The following METTL22 variants were observed in gnomAD, a reference collection of about 807,000 sequenced individuals.
METTL22 encodes the protein methyltransferase-like protein 22.
In METTL22, 51 loss-of-function variants were observed where a neutral mutation model predicts 48.4. That is an observed-to-expected ratio of 1.05 (90% CI 0.84 to 1.33). METTL22 has a LOEUF of 1.33. METTL22 is among the 40% of genes most tolerant of loss of function. METTL22 has a pLI of 0.00. For synonymous variants in METTL22, 255 were observed against 214.1 expected, an observed-to-expected ratio of 1.19 and a Z score of -1.67; for missense variants, 678 against 526.9, an observed-to-expected ratio of 1.29 and a Z score of -2.81.
chr16:8,625,856 C>G (rs1277388244), intron 2 of METTL22, 58 bp downstream of exon 2: 10 of 1,595,694 alleles, frequency 6.3e-6, no homozygotes, highest in Non-Finnish European at 8.6e-6. Context: ...CTTTCTCATA[C>G]TCATCTTTTT....
At chr16:8,629,255 T>A in intron 3 of METTL22, 145 bp downstream of exon 3, 1 of 1,053,808 alleles carries the variant, frequency 9.5e-7, no homozygotes, top group Non-Finnish European at 1.4e-6. Flanking sequence ...CTGGGGAAGC[T>A]CTCCACAACC....
chr16:8,655,272 A>G, the METTL22 span, among the ~76,000 whole-genome samples: 3 of 152,204 alleles, frequency 2.0e-5, no homozygotes, highest in Admixed American at 6.5e-5. Flanking sequence ...CTGAAGGTTC[A>G]ACTAAGAGTG....
At position 8,639,737 on chromosome 16, in the gene METTL22, C is replaced by T. The variant is rs539456295; in HGVS notation, c.772+575C>T. 170 of 159,900 alleles carry T rather than the reference C, an allele frequency of 1.1e-3. 1 individual carries two copies. Among genetic ancestry groups the T allele is most frequent in the African/African-American group, 3.9e-3 (162 of 41,748 alleles). The allele number at this position is 159,900 out of a possible 1,614,324, so 9.9% of individuals were successfully genotyped here. A position where few individuals can be genotyped will look rare whatever the true frequency, so the allele number is the denominator to read the frequency against. On this transcript the variant is annotated intron_variant, in intron 6 of 10. Coordinates refer to ENST00000381920, the MANE Select transcript of METTL22 (RefSeq NM_024109.4). ...TCTGCCTGGTTCTCTGCTCCCTGCA[C>T]GGCCTGCAGGGATGAGTGTATGTGA...
chr16:8,645,849 C>A, intron 10 of METTL22: 1 of 1,166,802 alleles, frequency 8.6e-7, no homozygotes, highest in Non-Finnish European at 1.1e-6. Context: ...CTGGTCTCTT[C>A]TGATTGTTTG....
At chr16:8,642,636 C>A (rs2056659872) in intron 9 of METTL22, 71 bp downstream of exon 9, 9 of 1,399,028 alleles carry the variant, frequency 6.4e-6, no homozygotes, top group Non-Finnish European at 9.1e-6. Context: ...CTAATTGTGT[C>A]CTTGTCAGTG....
the METTL22 span, among the ~76,000 whole-genome samples, chr16:8,658,601 G>A: frequency 6.6e-6 from 1 of 152,146 alleles, no homozygotes; most frequent in Non-Finnish European, 1.5e-5. Flanking sequence ...ACTTGGCATC[G>A]GTCAGAAGGA....
chr16:8,646,167 C>T lies in METTL22; in HGVS notation c.*24C>T, dbSNP rs1335436897. ...GACCCATCGCCTCCACAAGGCGCGG[C>T]GTCTCGACTGTTCTTAGAGTGTATT... is the stretch of plus-strand genomic sequence containing the variant. On this transcript the variant is annotated 3_prime_UTR_variant, in exon 11 of 11. Coordinates refer to ENST00000381920, the MANE Select transcript of METTL22 (RefSeq NM_024109.4). 4.3e-6 allele frequency: 7 copies of T among 1,613,198 alleles called. No individual in the cohort carries two copies. Among genetic ancestry groups the T allele is most frequent in the African/African-American group, 1.3e-5 (1 of 74,912 alleles).
chr16:8,641,179 G>C lies in METTL22; in HGVS notation c.821G>C (p.Cys274Ser). The C allele has an allele frequency of 6.2e-7, 1 of 1,613,988 alleles. No homozygotes were observed. Among genetic ancestry groups the C allele is most frequent in the African/African-American group, 1.3e-5 (1 of 75,022 alleles). Residue 274 changes from cysteine (C) to serine (S), a missense_variant, in exon 7 of 11, where the codon TGC becomes TCC. Transcript: ENST00000381920. ...KELDWLKDDL[C>S]TDPKVPFSWS... is the part of the protein sequence containing the mutation. ...CTGGACTGGCTGAAGGACGACCTCT[G>C]CACAGGTGTGTGTTTCTCTCGGACG...
At chr16:8,653,483 T>C (rs938653445), downstream of METTL22, among the ~76,000 whole-genome samples, 2 of 152,156 alleles carry the variant, frequency 1.3e-5, no homozygotes, top group African/African-American at 4.8e-5. Context: ...AAAATATTGA[T>C]GGGATGAATG....
chr16:8,641,209 C>G, intron 7 of METTL22, 25 bp downstream of exon 7: 8 of 1,612,838 alleles, frequency 5.0e-6, no homozygotes, highest in South Asian at 1.1e-5. Context: ...CGGACGTCCC[C>G]CAGTATGATT....
At chr16:8,623,795 T>C (rs1437312179) in intron 1 of METTL22, 3 of 152,186 alleles carry the variant, frequency 2.0e-5, no homozygotes, top group Non-Finnish European at 2.9e-5. Context: ...ATGTAGGAAC[T>C]CCAGCAGTGT....
the METTL22 span, among the ~76,000 whole-genome samples, chr16:8,655,299 C>G: frequency 6.6e-6 from 1 of 152,116 alleles, no homozygotes; most frequent in Admixed American, 6.5e-5. Context: ...CATTGAGGCT[C>G]CCTCTTGTGG....
chr16:8,625,055 CAGAT>C (rs1166189882), intron 1 of METTL22, among the ~76,000 whole-genome samples: 1 of 151,924 alleles, frequency 6.6e-6, no homozygotes, highest in Non-Finnish European at 1.5e-5. Flanking sequence ...CTTTGGGAGA[CAGAT>C]GGAGGAAATT....
chr16:8,661,111 C>A, the METTL22 span, among the ~76,000 whole-genome samples: 14 of 152,144 alleles, frequency 9.2e-5, no homozygotes, highest in Non-Finnish European at 2.1e-4. Flanking sequence ...TCCCTGCTGG[C>A]CCCTGGCAGG....
intron 1 of METTL22, among the ~76,000 whole-genome samples, chr16:8,624,868 A>G (rs2055991004): frequency 6.6e-6 from 1 of 152,196 alleles, no homozygotes; most frequent in South Asian, 2.1e-4. Context: ...GTAAAAAGAA[A>G]TGTTTAAAAA....
chr16:8,651,428 G>T (rs952985352), downstream of METTL22, among the ~76,000 whole-genome samples: 2 of 142,372 alleles, frequency 1.4e-5, no homozygotes, highest in African/African-American at 2.6e-5. Flanking sequence ...CATGAAAGAT[G>T]CCTAGAGTCA....
intron 6 of METTL22, chr16:8,639,441 T>G: frequency 2.0e-6 from 1 of 503,148 alleles, no homozygotes. Flanking sequence ...CCCAGCTCCT[T>G]AGTTGACCCG....
chr16:8,652,419 G>A (rs915049812), downstream of METTL22, among the ~76,000 whole-genome samples: 16 of 136,338 alleles, frequency 1.2e-4, no homozygotes, highest in South Asian at 2.3e-4. Flanking sequence ...AGATCATGCC[G>A]CTGCACTCCA....
chr16:8,661,271 G>C, the METTL22 span, among the ~76,000 whole-genome samples: 2 of 151,992 alleles, frequency 1.3e-5, no homozygotes, highest in Non-Finnish European at 2.9e-5. Context: ...GCTATACATT[G>C]TACAGCAGCA....
Sources: gnomAD v4.1 joint callset for allele counts (sites outside exome capture counted in the v4.1 genomes callset) on GRCh38, gnomAD v4.1.1 for gene constraint, MANE v1.5 for transcripts, NCBI Gene and HGNC (gene_info 2026-07-23, HGNC 2026-07-21) for gene names.